CPNE8: variants seen among roughly 807,000 people sequenced by gnomAD.
The protein encoded by CPNE8 is copine-8.
CPNE8 carries 45 observed loss-of-function variants against 81.5 expected under a neutral mutation model. The ratio of observed to expected loss-of-function variants is 0.55; its 90% CI spans 0.44 to 0.71. The LOEUF is 0.71. Ranked by LOEUF, CPNE8 falls within the 30% of genes least tolerant of loss-of-function variation. The pLI, the probability that CPNE8 is intolerant of heterozygous loss-of-function variation, is 0.00. For missense variants in CPNE8, 594 were observed against 672.1 expected (o/e 0.88, Z 1.28); for synonymous variants, 252 against 226.3 (o/e 1.11, Z -1.02).
intron 13 of CPNE8, among the ~76,000 whole-genome samples, chr12:38,721,401 G>T (rs1039029130): frequency 6.6e-6 from 1 of 152,020 alleles, no homozygotes; most frequent in Admixed American, 6.5e-5. Flanking sequence ...TGCCTGCAGA[G>T]AGGAGCTTCC....
chr12:38,902,924 C>G (rs1414530591), intron 1 of CPNE8, among the ~76,000 whole-genome samples: 2 of 152,066 alleles, frequency 1.3e-5, no homozygotes, highest in East Asian at 3.9e-4. Flanking sequence ...CATAACTATT[C>G]TTATTTTTGG....
chr12:38,875,399 A>T (rs1191041239), intron 1 of CPNE8, among the ~76,000 whole-genome samples: 1 of 152,178 alleles, frequency 6.6e-6, no homozygotes, highest in Non-Finnish European at 1.5e-5. Flanking sequence ...TAGAATGATG[A>T]CTTGAGGGTT....
At chr12:38,797,187 C>G (rs967036899) in intron 6 of CPNE8, among the ~76,000 whole-genome samples, 4 of 152,138 alleles carry the variant, frequency 2.6e-5, no homozygotes, top group Admixed American at 6.5e-5. Flanking sequence ...CAGCTTTGAA[C>G]AGAGCAGTGG....
At chr12:38,705,903 T>C (rs1240036548) in intron 13 of CPNE8, among the ~76,000 whole-genome samples, 2 of 152,056 alleles carry the variant, frequency 1.3e-5, no homozygotes, top group Non-Finnish European at 2.9e-5. Flanking sequence ...TTTACACACA[T>C]AATATATATA....
At chr12:38,847,575 A>G (rs1468003015) in intron 4 of CPNE8, among the ~76,000 whole-genome samples, 1 of 152,178 alleles carries the variant, frequency 6.6e-6, no homozygotes, top group Non-Finnish European at 1.5e-5. Context: ...GATGTAATAA[A>G]TTTTGTTTGA....
chr12:38,653,733 T>G lies in CPNE8; in HGVS notation c.*149A>C. The stretch of plus-strand genomic sequence containing the variant: ...TATTTACAGTTTTGGTTTAGGAAGA[T>G]ATTTAAATTTGGATCCAAGAAAGCA... On this transcript the variant is annotated 3_prime_UTR_variant, in exon 20 of 20. Coordinates refer to ENST00000331366, the MANE Select transcript of CPNE8 (RefSeq NM_153634.3). 8.4e-7 allele frequency: 1 copy of G among 1,183,862 alleles called. No homozygotes were observed. The highest frequency in any genetic ancestry group is 1.1e-6 in the Non-Finnish European group (1 of 907,182). The allele number at this position is 1,183,862 out of a possible 1,614,324, so 73.3% of individuals were successfully genotyped here. A position where few individuals can be genotyped will look rare whatever the true frequency, so the allele number is the denominator to read the frequency against.
intron 10 of CPNE8, among the ~76,000 whole-genome samples, chr12:38,737,925 A>G (rs1207767065): frequency 2.0e-5 from 3 of 152,176 alleles, no homozygotes; most frequent in Non-Finnish European, 4.4e-5. Flanking sequence ...CTGCTACACA[A>G]GGGTAGGGTC....
chr12:38,750,564 A>G (rs1007092705), intron 10 of CPNE8, among the ~76,000 whole-genome samples: 1 of 152,128 alleles, frequency 6.6e-6, no homozygotes, highest in Admixed American at 6.5e-5. Flanking sequence ...GTCAAACGAG[A>G]TGATTTTGGA....
intron 6 of CPNE8, among the ~76,000 whole-genome samples, chr12:38,818,810 T>C (rs976907348): frequency 6.7e-4 from 102 of 152,240 alleles, no homozygotes; most frequent in Non-Finnish European, 9.3e-4. Flanking sequence ...TCCTGACTTT[T>C]TAATGATTGC....
intron 1 of CPNE8, among the ~76,000 whole-genome samples, chr12:38,892,372 A>G (rs1944325338): frequency 6.6e-6 from 1 of 152,194 alleles, no homozygotes. Context: ...ATGCAATTCA[A>G]CCTTTGTTTA....
At chr12:38,868,529 G>A (rs1943947511) in intron 3 of CPNE8, among the ~76,000 whole-genome samples, 1 of 152,102 alleles carries the variant, frequency 6.6e-6, no homozygotes, top group African/African-American at 2.4e-5. Flanking sequence ...AAACTTGTAA[G>A]AAAATAGAGA....
chr12:38,808,602 G>T (rs766956365), intron 6 of CPNE8, among the ~76,000 whole-genome samples: 143 of 116,442 alleles, frequency 1.2e-3, no homozygotes, highest in Non-Finnish European at 2.0e-3. Flanking sequence ...GGGGACTGTT[G>T]TGGGGTGGGG....
intron 13 of CPNE8, among the ~76,000 whole-genome samples, chr12:38,715,781 A>C (rs1592032225): frequency 6.6e-6 from 1 of 152,132 alleles, no homozygotes; most frequent in African/African-American, 2.4e-5. Context: ...TAGTATTGGA[A>C]GTCCTACCCA....
At chr12:38,737,509 T>G (rs1032299375) in intron 10 of CPNE8, among the ~76,000 whole-genome samples, 8 of 152,176 alleles carry the variant, frequency 5.3e-5, no homozygotes, top group African/African-American at 1.9e-4. Flanking sequence ...CTGGGATAAT[T>G]CTGGGCCAAT....
At chr12:38,707,134 T>A (rs759615390) in intron 13 of CPNE8, among the ~76,000 whole-genome samples, 1 of 152,000 alleles carries the variant, frequency 6.6e-6, no homozygotes, top group Non-Finnish European at 1.5e-5. Context: ...GGCAACATAC[T>A]GAGACCCAGT....
chr12:38,882,069 AG>A (rs1438839461), intron 1 of CPNE8, among the ~76,000 whole-genome samples: 1 of 152,240 alleles, frequency 6.6e-6, no homozygotes, highest in Non-Finnish European at 1.5e-5. Context: ...CAAACATATC[AG>A]GTCCAAATCC....
At chr12:38,843,566 G>A (rs1943507244) in intron 4 of CPNE8, among the ~76,000 whole-genome samples, 3 of 152,080 alleles carry the variant, frequency 2.0e-5, no homozygotes. Flanking sequence ...TGGTTCATCA[G>A]TAAGCTACGG....
At chr12:38,688,211 A>G (rs1251901533) in intron 15 of CPNE8, among the ~76,000 whole-genome samples, 2 of 152,210 alleles carry the variant, frequency 1.3e-5, no homozygotes, top group African/African-American at 4.8e-5. Context: ...AATTGAAACT[A>G]CAAGGTCACC....
In CPNE8 at chr12:38,787,077, G is replaced by A. The variant is rs140093518; in HGVS notation, c.408-10776C>T. 9.4e-3 allele frequency among the ~76,000 whole-genome samples: 1,429 copies of A among 152,154 alleles called. 20 individuals are homozygous for A. Among genetic ancestry groups the A allele is most frequent in the South Asian group, 0.04 (195 of 4,820 alleles). On this transcript the variant is annotated intron_variant, in intron 6 of 19. Coordinates refer to ENST00000331366, the MANE Select transcript of CPNE8 (RefSeq NM_153634.3). Reference sequence around the variant, plus strand: ...GACAGAATATCAACAAAGCAACATTGGACTTAATCTATAGATAGACCAAAT... The same window carrying A: ...GACAGAATATCAACAAAGCAACATTAGACTTAATCTATAGATAGACCAAAT...
Sources: gnomAD v4.1 joint callset for allele counts (sites outside exome capture counted in the v4.1 genomes callset) on GRCh38, gnomAD v4.1.1 for gene constraint, MANE v1.5 for transcripts, NCBI Gene and HGNC (gene_info 2026-07-23, HGNC 2026-07-21) for gene names.